The following CTCF variants were observed in gnomAD, a reference collection of about 807,000 sequenced individuals.
CTCF encodes the protein CCCTC-binding factor, also known as transcriptional repressor CTCF.
In CTCF, 7 loss-of-function variants were observed where a neutral mutation model predicts 72.3. The ratio of observed to expected loss-of-function variants is 0.10; its 90% CI spans 0.06 to 0.18. The LOEUF is 0.18. Among genes scored for constraint, CTCF ranks in the 10% least tolerant of loss-of-function variants. The probability of loss-of-function intolerance (pLI) is 1.00; values close to 1 mark genes in which losing one functional copy is unlikely to be tolerated. For synonymous variants in CTCF, 374 were observed against 315.8 expected (o/e 1.18, Z -1.95); for missense variants, 516 against 949.1 (o/e 0.54, Z 6.00).
chr16:67,620,605 G>T, intron 5 of CTCF, 92 bp from the exon 6 acceptor site: 1 of 1,051,446 alleles, frequency 9.5e-7, no homozygotes. Context: ...GAACTTCAGT[G>T]CCCCAAAGCT....
At chr16:67,599,878 T>C (rs1179670849) in intron 2 of CTCF, among the ~76,000 whole-genome samples, 1 of 152,196 alleles carries the variant, frequency 6.6e-6, no homozygotes, top group Non-Finnish European at 1.5e-5. Context: ...GTAGATCCTT[T>C]AGGCAGTGAA....
chr16:67,629,184 C>CCG lies in CTCF; in HGVS notation c.1702-214_1702-213insCG. Among the ~76,000 whole-genome samples the CCG allele has an allele frequency of 3.5e-5, 5 of 142,258 alleles. 1 individual carries two copies. The Admixed American group carries it at 3.5e-4, about 10-fold the overall frequency. 93.3% of individuals were successfully genotyped at this position (142,258 alleles called of 152,430 possible). On this transcript the variant is annotated intron_variant, in intron 9 of 11. Coordinates refer to ENST00000264010, the MANE Select transcript of CTCF (RefSeq NM_006565.4). ...GATCTTGACAGAACTAAGAGCTGGT[C>CCG]TGATCCTCCCCCGTCTCTGTCTGCA...
At chr16:67,608,450 A>G (rs1286801437) in intron 2 of CTCF, among the ~76,000 whole-genome samples, 1 of 152,134 alleles carries the variant, frequency 6.6e-6, no homozygotes, top group African/African-American at 2.4e-5. Context: ...AGTTTTGTGC[A>G]GTGTCTACAA....
intron 1 of CTCF, among the ~76,000 whole-genome samples, chr16:67,569,527 G>A (rs2051385292): frequency 6.6e-6 from 1 of 152,020 alleles, no homozygotes; most frequent in South Asian, 2.1e-4. Context: ...TTAGAGGTAG[G>A]TTCCACTCTA....
chr16:67,613,754 T>C, intron 4 of CTCF, among the ~76,000 whole-genome samples: 1 of 152,202 alleles, frequency 6.6e-6, no homozygotes, highest in East Asian at 1.9e-4. Flanking sequence ...CCAACCTAAG[T>C]GACAGAGCAA....
intron 2 of CTCF, among the ~76,000 whole-genome samples, chr16:67,603,658 T>A (rs571015179): frequency 2.4e-4 from 36 of 151,346 alleles, no homozygotes; most frequent in Non-Finnish European, 4.4e-4. Flanking sequence ...ACCCCGTCTC[T>A]ACTAAAAGTA....
intron 5 of CTCF, among the ~76,000 whole-genome samples, chr16:67,618,608 T>C (rs893148469): frequency 1.3e-5 from 2 of 152,228 alleles, no homozygotes; most frequent in African/African-American, 4.8e-5. Flanking sequence ...CTGTTATTTC[T>C]TGCAGAGAGA....
At chr16:67,583,216 A>G (rs1375318595) in intron 2 of CTCF, among the ~76,000 whole-genome samples, 2 of 151,380 alleles carry the variant, frequency 1.3e-5, no homozygotes, top group Admixed American at 6.6e-5. Flanking sequence ...TTAACTCCTG[A>G]CCTCAAGTGA....
chr16:67,590,496 T>G (rs1314673319), intron 2 of CTCF, among the ~76,000 whole-genome samples: 1 of 152,002 alleles, frequency 6.6e-6, no homozygotes, highest in Admixed American at 6.6e-5. Flanking sequence ...TGTTATTTTA[T>G]AATTTTTTAT....
chr16:67,600,337 C>T (rs936956120), intron 2 of CTCF, among the ~76,000 whole-genome samples: 1 of 151,996 alleles, frequency 6.6e-6, no homozygotes, highest in African/African-American at 2.4e-5. Context: ...GTCCTAGGCT[C>T]AAATGATCCT....
intron 7 of CTCF, among the ~76,000 whole-genome samples, chr16:67,622,064 T>C (rs1263130340): frequency 6.6e-6 from 1 of 152,128 alleles, no homozygotes; most frequent in Non-Finnish European, 1.5e-5. Flanking sequence ...TTATTAATAA[T>C]ATTTAGTGTA....
chr16:67,569,935 C>G (rs562844792), intron 1 of CTCF, among the ~76,000 whole-genome samples: 1 of 152,260 alleles, frequency 6.6e-6, no homozygotes, highest in Non-Finnish European at 1.5e-5. Flanking sequence ...ATCCACCTGC[C>G]TTGGCTTCCC....
At chr16:67,573,862 C>G (rs1432809814) in intron 2 of CTCF, among the ~76,000 whole-genome samples, 1 of 152,000 alleles carries the variant, frequency 6.6e-6, no homozygotes, top group African/African-American at 2.4e-5. Context: ...GAAATCCCAT[C>G]TCTACTAAAA....
chr16:67,592,596 T>C (rs1597697017), intron 2 of CTCF, among the ~76,000 whole-genome samples: 1 of 151,738 alleles, frequency 6.6e-6, no homozygotes, highest in East Asian at 1.9e-4. Context: ...TCCCAGCCAC[T>C]CGGGAGGCTG....
chr16:67,637,077 G>A (rs999221069), intron 11 of CTCF, among the ~76,000 whole-genome samples: 3 of 152,208 alleles, frequency 2.0e-5, no homozygotes, highest in Non-Finnish European at 4.4e-5. Context: ...CAGAGTAGAA[G>A]GGTACTTGTG....
intron 10 of CTCF, among the ~76,000 whole-genome samples, chr16:67,631,165 GTTT>G (rs931210083): frequency 2.3e-5 from 3 of 131,126 alleles, no homozygotes; most frequent in Non-Finnish European, 4.8e-5. Flanking sequence ...TTTTTTTTTT[GTTT>G]TTTGTTTTTT....
chr16:67,589,704 C>CTTGT (rs1485779179), intron 2 of CTCF, among the ~76,000 whole-genome samples: 14 of 152,160 alleles, frequency 9.2e-5, no homozygotes, highest in Admixed American at 2.0e-4. Flanking sequence ...TGAAGACTAC[C>CTTGT]CCTAGTACAT....
At chr16:67,622,285 G>C (rs1233803783) in intron 7 of CTCF, among the ~76,000 whole-genome samples, 1 of 151,904 alleles carries the variant, frequency 6.6e-6, no homozygotes, top group Non-Finnish European at 1.5e-5. Context: ...GAACCTGGGA[G>C]GTGGAGCTTG....
rs2052051475 is a variant in CTCF, at chr16:67,610,810, C to T, written c.-9-14C>T. The T allele has an allele frequency of 7.0e-7, 1 of 1,433,632 alleles. No homozygotes were observed. 88.8% of individuals were successfully genotyped at this position (1,433,632 alleles called of 1,614,324 possible). ...TTTGCTTTAAATAACAATCTGTGTT[C>T]TCCCTTAATAAAGGCAGGGGAAATG... On this transcript the variant is annotated splice_polypyrimidine_tract_variant and intron_variant, in intron 2 of 11. Coordinates refer to ENST00000264010, the MANE Select transcript of CTCF (RefSeq NM_006565.4).
Sources: allele counts gnomAD v4.1 joint callset (sites outside exome capture counted in the v4.1 genomes callset), GRCh38; gene constraint gnomAD v4.1.1; transcripts MANE v1.5; gene names NCBI Gene and HGNC (gene_info 2026-07-23, HGNC 2026-07-21).